KCNJ6: variants seen among roughly 807,000 people sequenced by gnomAD.
The protein encoded by KCNJ6 is G protein-activated inward rectifier potassium channel 2.
A neutral mutation model predicts 34.2 loss-of-function variants in KCNJ6; 9 were observed. That is an observed-to-expected ratio of 0.26 (90% confidence interval 0.16 to 0.46). The LOEUF is 0.46. Ranked by LOEUF, KCNJ6 falls within the 20% of genes least tolerant of loss-of-function variation. The pLI, the probability that KCNJ6 is intolerant of heterozygous loss-of-function variation, is 1.00. For synonymous variants in KCNJ6, 196 were observed against 207.1 expected (o/e 0.95, Z 0.46); for missense variants, 236 against 531.3 (o/e 0.44, Z 5.46).
intron 1 of KCNJ6, among the ~76,000 whole-genome samples, chr21:37,854,355 G>T (rs540037830): frequency 6.6e-6 from 1 of 152,180 alleles, no homozygotes; most frequent in Admixed American, 6.5e-5. Flanking sequence ...TAATAATAAA[G>T]ATTAAATAAT....
At chr21:37,868,733 G>A (rs1046248852) in intron 1 of KCNJ6, among the ~76,000 whole-genome samples, 3 of 152,202 alleles carry the variant, frequency 2.0e-5, no homozygotes, top group African/African-American at 7.2e-5. Context: ...CACAGCTCAA[G>A]ACCTGTGCAA....
chr21:37,639,443 T>G (rs549602235), intron 3 of KCNJ6, among the ~76,000 whole-genome samples: 1 of 152,378 alleles, frequency 6.6e-6, no homozygotes, highest in East Asian at 1.9e-4. Context: ...ACTATTTTTT[T>G]TTCTATGTGG....
intron 2 of KCNJ6, among the ~76,000 whole-genome samples, chr21:37,834,064 C>T (rs1392710150): frequency 6.6e-6 from 1 of 152,166 alleles, no homozygotes; most frequent in East Asian, 1.9e-4. Context: ...TTGTCTAGGT[C>T]CCCAGAGCCT....
chr21:37,764,254 T>A (rs546321335), intron 2 of KCNJ6, among the ~76,000 whole-genome samples: 3 of 152,136 alleles, frequency 2.0e-5, no homozygotes, highest in African/African-American at 7.2e-5. Context: ...CCTTCCAAAG[T>A]AATAAGCTGA....
intron 2 of KCNJ6, among the ~76,000 whole-genome samples, chr21:37,794,553 A>G (rs2055231864): frequency 6.6e-6 from 1 of 152,232 alleles, no homozygotes; most frequent in African/African-American, 2.4e-5. Context: ...TATTTATTTT[A>G]TTAGGTGAGG....
chr21:37,652,537 T>C (rs1197582616), intron 3 of KCNJ6, among the ~76,000 whole-genome samples: 1 of 152,156 alleles, frequency 6.6e-6, no homozygotes. Flanking sequence ...TTGACACAAT[T>C]ACATACAAAG....
At chr21:37,862,405 A>G (rs567341668) in intron 1 of KCNJ6, among the ~76,000 whole-genome samples, 1 of 152,240 alleles carries the variant, frequency 6.6e-6, no homozygotes, top group Non-Finnish European at 1.5e-5. Flanking sequence ...GCATGTATAC[A>G]CATTGTGGCA....
At chr21:37,884,247 T>A (rs2055724134) in intron 1 of KCNJ6, among the ~76,000 whole-genome samples, 1 of 152,162 alleles carries the variant, frequency 6.6e-6, no homozygotes. Context: ...CACTTAAGAA[T>A]GCATCAAGTA....
At position 37,625,613 on chromosome 21, in the gene KCNJ6, G is replaced by A. The variant is rs2054307407; in HGVS notation, c.947-129C>T. On this transcript the variant is annotated intron_variant, in intron 3 of 3. Transcript: ENST00000609713. ...TGACCTGCATACGATGCCACACTTA[G>A]TAGGTGTCATTCATGTTGTAGACAC... is the stretch of plus-strand genomic sequence containing the variant. 1.7e-5 allele frequency: 11 copies of A among 637,204 alleles called. No individual in the cohort carries two copies. The East Asian group carries it at 3.0e-4, about 17-fold the overall frequency. The allele number at this position is 637,204 out of a possible 1,614,324, so 39.5% of individuals were successfully genotyped here. A position where few individuals can be genotyped will look rare whatever the true frequency, so the allele number is the denominator to read the frequency against.
At chr21:37,776,790 G>T (rs2055144734) in intron 2 of KCNJ6, among the ~76,000 whole-genome samples, 1 of 152,310 alleles carries the variant, frequency 6.6e-6, no homozygotes, top group Non-Finnish European at 1.5e-5. Flanking sequence ...GTTCATCAGG[G>T]ATATTGGTCT....
intron 1 of KCNJ6, among the ~76,000 whole-genome samples, chr21:37,902,044 T>C (rs558265209): frequency 3.9e-5 from 6 of 152,318 alleles, no homozygotes; most frequent in South Asian, 4.1e-4. Context: ...GCTCATCCCA[T>C]AGAACCACAT....
At chr21:37,680,388 C>T (rs138228293) in intron 3 of KCNJ6, among the ~76,000 whole-genome samples, 61 of 152,256 alleles carry the variant, frequency 4.0e-4, no homozygotes, top group African/African-American at 1.2e-3. Flanking sequence ...AGTTGACCAA[C>T]GAACTCTCGG....
chr21:37,653,213 A>C (rs892571366), intron 3 of KCNJ6, among the ~76,000 whole-genome samples: 3 of 152,268 alleles, frequency 2.0e-5, no homozygotes, highest in Non-Finnish European at 4.4e-5. Context: ...GGAACTGTCA[A>C]GAATTTTACT....
At chr21:37,893,732 G>A (rs572584248) in intron 1 of KCNJ6, among the ~76,000 whole-genome samples, 5 of 149,630 alleles carry the variant, frequency 3.3e-5, no homozygotes, top group East Asian at 2.0e-4. Flanking sequence ...TATATTCTAC[G>A]GAAGCAGCTG....
intron 2 of KCNJ6, among the ~76,000 whole-genome samples, chr21:37,775,213 T>G (rs1223572621): frequency 1.3e-5 from 2 of 152,232 alleles, no homozygotes; most frequent in Non-Finnish European, 2.9e-5. Flanking sequence ...TTTTTTCTTG[T>G]AAATTTGTTT....
chr21:37,743,921 A>G (rs1038918738), intron 2 of KCNJ6, among the ~76,000 whole-genome samples: 3 of 152,030 alleles, frequency 2.0e-5, no homozygotes, highest in Non-Finnish European at 4.4e-5. Context: ...CCTCCTATTT[A>G]TAATCCCACG....
At chr21:37,888,172 C>G (rs1036075104) in intron 1 of KCNJ6, among the ~76,000 whole-genome samples, 3 of 152,218 alleles carry the variant, frequency 2.0e-5, no homozygotes, top group African/African-American at 7.2e-5. Flanking sequence ...GTAACACAGG[C>G]AGCCTCACTA....
At chr21:37,704,979 C>T (rs999009525) in intron 3 of KCNJ6, among the ~76,000 whole-genome samples, 1 of 152,070 alleles carries the variant, frequency 6.6e-6, no homozygotes, top group Admixed American at 6.6e-5. Context: ...CACCTGATAA[C>T]ACTGAATTGG....
intron 3 of KCNJ6, among the ~76,000 whole-genome samples, chr21:37,667,026 G>A (rs978272763): frequency 6.6e-6 from 1 of 151,220 alleles, no homozygotes; most frequent in Non-Finnish European, 1.5e-5. Context: ...AAGGCCGCAG[G>A]GACCACTGGC....
Sources: gnomAD v4.1 joint callset for allele counts (sites outside exome capture counted in the v4.1 genomes callset) on GRCh38, gnomAD v4.1.1 for gene constraint, MANE v1.5 for transcripts, NCBI Gene and HGNC (gene_info 2026-07-23, HGNC 2026-07-21) for gene names.